The following LARP1 variants were observed in gnomAD, a reference collection of about 807,000 sequenced individuals.
LARP1 encodes La ribonucleoprotein 1, translational regulator.
In LARP1, 36 loss-of-function variants were observed where a neutral mutation model predicts 122.7. The observed-to-expected ratio is 0.29, with a 90% CI of 0.22 to 0.39. The LOEUF (loss-of-function observed/expected upper bound fraction) is 0.39. Among genes scored for constraint, LARP1 ranks in the 10% least tolerant of loss-of-function variants. The pLI is 1.00. For missense variants in LARP1, 1,040 were observed against 1,403.6 expected, an observed-to-expected ratio of 0.74 and a Z score of 4.14; for synonymous variants, 539 against 528.7, an observed-to-expected ratio of 1.02 and a Z score of -0.27.
At chr5:154,708,312 G>A (rs1755047627), upstream of LARP1, among the ~76,000 whole-genome samples, 1 of 152,144 alleles carries the variant, frequency 6.6e-6, no homozygotes, top group Non-Finnish European at 1.5e-5. Flanking sequence ...AGTGGTCGTT[G>A]TCCCCTGAAG....
chr5:154,711,736 G>A (rs976059030), upstream of LARP1, among the ~76,000 whole-genome samples: 1 of 152,126 alleles, frequency 6.6e-6, no homozygotes, highest in South Asian at 2.1e-4. Context: ...TATTAAGAGG[G>A]GGTACAGGGA....
chr5:154,689,763 G>A (rs1754104714), intron 1 of LARP1, among the ~76,000 whole-genome samples: 1 of 152,118 alleles, frequency 6.6e-6, no homozygotes, highest in Non-Finnish European at 1.5e-5. Context: ...CCATTTTACA[G>A]AGGAAGTTGA....
intron 8 of LARP1, 95 bp downstream of exon 8, chr5:154,795,414 C>G (rs1757670360): frequency 1.0e-5 from 13 of 1,262,962 alleles, no homozygotes; most frequent in South Asian, 1.4e-5. Context: ...GAAGAGTCAT[C>G]ATCTGATGAC....
intron 1 of LARP1, among the ~76,000 whole-genome samples, chr5:154,746,611 A>G (rs1020799466): frequency 2.6e-5 from 4 of 152,180 alleles, no homozygotes; most frequent in African/African-American, 7.2e-5. Context: ...CTTAACTTCT[A>G]TAGGCCTCAG....
At chr5:154,804,634 G>GTC (rs775552245) in intron 14 of LARP1, 1 of 393,392 alleles carries the variant, frequency 2.5e-6, no homozygotes. Context: ...ATTTCTGGCA[G>GTC]TCTCTCTGAG....
chr5:154,786,537 GC>G, intron 1 of LARP1: 1 of 455,118 alleles, frequency 2.2e-6, no homozygotes. Context: ...GACTCTGTCT[GC>G]CATCCACCCT....
chr5:154,806,275 A>C (rs1392570047), intron 15 of LARP1, among the ~76,000 whole-genome samples: 15 of 152,168 alleles, frequency 9.9e-5, no homozygotes. Context: ...TTGATTATTA[A>C]AGCTGTCAAT....
chr5:154,767,418 C>G (rs893968776), intron 1 of LARP1, among the ~76,000 whole-genome samples: 1 of 152,124 alleles, frequency 6.6e-6, no homozygotes, highest in East Asian at 1.9e-4. Flanking sequence ...GGTCCTCTTC[C>G]CCTTGATTGC....
intron 1 of LARP1, among the ~76,000 whole-genome samples, chr5:154,780,270 G>A (rs1756313958): frequency 6.6e-6 from 1 of 152,180 alleles, no homozygotes; most frequent in Non-Finnish European, 1.5e-5. Flanking sequence ...AGCCTTCCCT[G>A]GCAGGGCTCA....
chr5:154,720,704 C>T (rs963362014), intron 1 of LARP1, among the ~76,000 whole-genome samples: 3 of 151,800 alleles, frequency 2.0e-5, no homozygotes, highest in African/African-American at 4.8e-5. Context: ...AGAGAGAGAC[C>T]GTGTCTTGGG....
intron 1 of LARP1, among the ~76,000 whole-genome samples, chr5:154,770,729 C>G (rs780728669): frequency 7.9e-5 from 12 of 152,132 alleles, no homozygotes; most frequent in Non-Finnish European, 1.6e-4. Flanking sequence ...TGCTGGAGCA[C>G]AGTCTGGGAA....
At chr5:154,783,950 G>A (rs1756671457) in intron 1 of LARP1, among the ~76,000 whole-genome samples, 1 of 152,210 alleles carries the variant, frequency 6.6e-6, no homozygotes, top group South Asian at 2.1e-4. Flanking sequence ...TATACAACTG[G>A]TGAGTGTTGC....
chr5:154,683,933 T>C (rs1020958190), intron 1 of LARP1, among the ~76,000 whole-genome samples: 4 of 152,180 alleles, frequency 2.6e-5, no homozygotes, highest in Admixed American at 6.5e-5. Flanking sequence ...AGTCTTTCCC[T>C]TGGAGTGGAA....
intron 1 of LARP1, among the ~76,000 whole-genome samples, chr5:154,693,867 A>AG (rs1754345446): frequency 6.6e-6 from 1 of 150,778 alleles, no homozygotes; most frequent in Admixed American, 6.6e-5. Context: ...AAAAAAAAAA[A>AG]AAAAAGAAAG....
chr5:154,714,908 G>A (rs551921975), intron 1 of LARP1, among the ~76,000 whole-genome samples: 28 of 152,198 alleles, frequency 1.8e-4, no homozygotes, highest in Non-Finnish European at 2.8e-4. Flanking sequence ...AGCCGGGTGC[G>A]GTGGCTCACG....
Position 154,744,616 on chromosome 5 carries a change from A to ATTTTT in LARP1, c.205+31521_205+31525dup, listed in dbSNP as rs748853573. 5.1e-3 allele frequency among the ~76,000 whole-genome samples: 370 copies of ATTTTT among 72,010 alleles called. 88 individuals are homozygous for ATTTTT. Among genetic ancestry groups the ATTTTT allele is most frequent in the Non-Finnish European group, 8.0e-3 (279 of 35,062 alleles). The allele number at this position is 72,010 out of a possible 152,430, so 47.2% of individuals were successfully genotyped here. A position where few individuals can be genotyped will look rare whatever the true frequency, so the allele number is the denominator to read the frequency against. ...CAGGGGAAAGGGCATTGGATATGCAATTTTTTTTTTTTTTTTTTTTTTTTT... is the reference window on the plus strand; with the variant it reads ...CAGGGGAAAGGGCATTGGATATGCAATTTTTTTTTTTTTTTTTTTTTTTTTTTTTT... On this transcript the variant is annotated intron_variant, in intron 1 of 18. Coordinates refer to the LARP1 transcript ENST00000336314.
At chr5:154,695,225 T>C (rs1190912374) in intron 1 of LARP1, among the ~76,000 whole-genome samples, 20 of 150,976 alleles carry the variant, frequency 1.3e-4, no homozygotes, top group Non-Finnish European at 2.7e-4. Context: ...TGAGGCAGAA[T>C]GGCGTGAACC....
rs1758592483 is a variant in LARP1, at chr5:154,804,456, AGC to A, written c.2546+150_2546+151del. 18 of 650,808 alleles carry A rather than the reference AGC, an allele frequency of 2.8e-5. 1 individual carries two copies. The South Asian group carries it at 3.2e-4, about 12-fold the overall frequency. The allele number at this position is 650,808 out of a possible 1,614,324, so 40.3% of individuals were successfully genotyped here. The stretch of plus-strand genomic sequence containing the variant: ...AAAAAACCAGTGGTGTGGAAAGCTC[AGC>A]CCAGGACCTGGGAATGACGGGTAGG... On this transcript the variant is annotated intron_variant, in intron 14 of 18. Transcript: ENST00000518297.
Position 154,799,647 on chromosome 5 carries a change from G to C in LARP1, c.1434G>C (p.Glu478Asp), listed in dbSNP as rs1582454562. ...EIVDEKVRRR[E>D]EPEKWPLPPI... Reference sequence around the variant, plus strand: ...TTGATGAGAAAGTTCGTAGGAGGGAGGAACCAGAAAAGTGGCCTCTTCCCC... The same window carrying C: ...TTGATGAGAAAGTTCGTAGGAGGGACGAACCAGAAAAGTGGCCTCTTCCCC... The change falls in exon 9 of 19, where the codon GAG becomes GAC. Residue 478 changes from glutamate (E) to aspartate (D), a missense_variant. By Grantham distance (45) the Glu-to-Asp change is conservative (BLOSUM62 2). Transcript: ENST00000518297. The C allele has an allele frequency of 6.2e-7, 1 of 1,614,194 alleles. No homozygotes were observed. Among genetic ancestry groups the C allele is most frequent in the East Asian group, 2.2e-5 (1 of 44,890 alleles).
Sources: allele counts gnomAD v4.1 joint callset (sites outside exome capture counted in the v4.1 genomes callset), GRCh38; gene constraint gnomAD v4.1.1; transcripts MANE v1.5; gene names NCBI Gene and HGNC (gene_info 2026-07-23, HGNC 2026-07-21).